The following NFATC3 variants were observed in gnomAD, a reference collection of about 807,000 sequenced individuals.
The protein encoded by NFATC3 is nuclear factor of activated T-cells, cytoplasmic 3.
In NFATC3, 46 loss-of-function variants were observed where a neutral mutation model predicts 98.6. That is an observed-to-expected ratio of 0.47 (90% CI 0.37 to 0.60). The LOEUF is 0.60. NFATC3 is among the 20% of genes least tolerant of loss of function. The pLI, the probability that NFATC3 is intolerant of heterozygous loss-of-function variation, is 0.00. For missense variants in NFATC3, 1,256 were observed against 1,295.5 expected, an observed-to-expected ratio of 0.97 and a Z score of 0.47; for synonymous variants, 512 against 472.2, an observed-to-expected ratio of 1.08 and a Z score of -1.09.
intron 1 of NFATC3, among the ~76,000 whole-genome samples, chr16:68,086,126 A>G (rs73606405): frequency 0.013 from 2,001 of 152,248 alleles, 42 homozygotes; most frequent in African/African-American, 0.045. Context: ...GTCCCTGTGA[A>G]TTGTTAGCGC....
intron 6 of NFATC3, among the ~76,000 whole-genome samples, chr16:68,175,645 C>T (rs568588304): frequency 2.6e-5 from 4 of 151,930 alleles, no homozygotes; most frequent in Non-Finnish European, 4.4e-5. Context: ...CTGCAACCTC[C>T]GCCTCCTAGG....
At chr16:68,222,116 C>T (rs1320847044) in intron 9 of NFATC3, among the ~76,000 whole-genome samples, 3 of 150,346 alleles carry the variant, frequency 2.0e-5, no homozygotes, top group Admixed American at 2.0e-4. Context: ...ATGGTGAGAC[C>T]TCATCTCTGC....
intron 9 of NFATC3, among the ~76,000 whole-genome samples, chr16:68,192,734 G>C (rs1376561480): frequency 1.3e-5 from 2 of 152,110 alleles, no homozygotes; most frequent in Non-Finnish European, 2.9e-5. Context: ...ATAGTGATGT[G>C]GCCCTGTAGT....
chr16:68,151,357 C>T (rs1409188342), intron 3 of NFATC3, among the ~76,000 whole-genome samples: 6 of 152,066 alleles, frequency 3.9e-5, no homozygotes, highest in Non-Finnish European at 8.8e-5. Flanking sequence ...CAAAGGCAGG[C>T]GTGTTGATCA....
intron 9 of NFATC3, among the ~76,000 whole-genome samples, chr16:68,213,315 T>C (rs1453993463): frequency 4.6e-5 from 7 of 151,168 alleles, no homozygotes; most frequent in Non-Finnish European, 8.8e-5. Context: ...CTCAGGAGGC[T>C]GAGGCAGGAG....
At chr16:68,188,074 T>G (rs1048863327) in intron 8 of NFATC3, among the ~76,000 whole-genome samples, 4 of 151,958 alleles carry the variant, frequency 2.6e-5, no homozygotes, top group Non-Finnish European at 5.9e-5. Flanking sequence ...GCGGCAGGGG[T>G]CTGGTGTGTC....
At chr16:68,183,164 A>C in intron 7 of NFATC3, 76 bp from the exon 8 acceptor site, 1 of 1,457,704 alleles carries the variant, frequency 6.9e-7, no homozygotes, top group Non-Finnish European at 9.2e-7. Context: ...GTTAAGACTC[A>C]TGAGTTGTGA....
intron 9 of NFATC3, among the ~76,000 whole-genome samples, chr16:68,213,869 A>G (rs987201992): frequency 1.3e-5 from 2 of 152,148 alleles, no homozygotes; most frequent in African/African-American, 2.4e-5. Context: ...TTGGCTGTAC[A>G]TATAGTTTTC....
At chr16:68,222,664 C>T (rs186918271) in intron 9 of NFATC3, among the ~76,000 whole-genome samples, 55 of 152,316 alleles carry the variant, frequency 3.6e-4, no homozygotes, top group Non-Finnish European at 6.8e-4. Flanking sequence ...TGAACTTTCA[C>T]TGTGCTTGTT....
intron 9 of NFATC3, among the ~76,000 whole-genome samples, chr16:68,222,540 A>G (rs1344405160): frequency 6.6e-6 from 1 of 152,120 alleles, no homozygotes; most frequent in African/African-American, 2.4e-5. Context: ...GTGCTTGCTT[A>G]TATATTTGGC....
chr16:68,214,831 G>A (rs1226139988), intron 9 of NFATC3, among the ~76,000 whole-genome samples: 3 of 152,142 alleles, frequency 2.0e-5, no homozygotes, highest in Non-Finnish European at 2.9e-5. Flanking sequence ...AATTTTGTCC[G>A]TTTTTCAGAG....
intron 9 of NFATC3, among the ~76,000 whole-genome samples, chr16:68,193,455 A>G (rs952746478): frequency 1.3e-5 from 2 of 152,146 alleles, no homozygotes; most frequent in Non-Finnish European, 1.5e-5. Flanking sequence ...ACTTGAGACT[A>G]GGAGTTTGAG....
chr16:68,197,935 C>G (rs1166074852), intron 9 of NFATC3, among the ~76,000 whole-genome samples: 1 of 152,056 alleles, frequency 6.6e-6, no homozygotes, highest in Non-Finnish European at 1.5e-5. Flanking sequence ...TTGACTGTTA[C>G]TTTTAGAAAT....
At chr16:68,197,419 G>A (rs1258838923) in intron 9 of NFATC3, among the ~76,000 whole-genome samples, 2 of 152,160 alleles carry the variant, frequency 1.3e-5, no homozygotes, top group Non-Finnish European at 2.9e-5. Flanking sequence ...GAGTAACTGG[G>A]ACCACAGGCA....
chr16:68,111,121 AT>A (rs1370591766), intron 1 of NFATC3, among the ~76,000 whole-genome samples: 1 of 152,096 alleles, frequency 6.6e-6, no homozygotes, highest in East Asian at 1.9e-4. Context: ...AAGAATGTAT[AT>A]TCTGTTTTTG....
At chr16:68,196,465 T>TATGATATTTA in intron 9 of NFATC3, among the ~76,000 whole-genome samples, 1 of 152,336 alleles carries the variant, frequency 6.6e-6, no homozygotes, top group South Asian at 2.1e-4. Context: ...TTTATTATGA[T>TATGATATTTA]ATTTGGATTT....
At chr16:68,170,772 C>T (rs529226160) in intron 5 of NFATC3, among the ~76,000 whole-genome samples, 36 of 152,046 alleles carry the variant, frequency 2.4e-4, no homozygotes, top group Middle Eastern at 3.4e-3. Context: ...GGATTACAGG[C>T]GTAAGCCACT....
chr16:68,085,550 A>T lies in NFATC3; in HGVS notation c.-132A>T. The T allele has an allele frequency of 1.4e-6, 1 of 729,618 alleles. No homozygotes were observed. Among genetic ancestry groups the T allele is most frequent in the Non-Finnish European group, 2.0e-6 (1 of 489,584 alleles). The allele number at this position is 729,618 out of a possible 1,614,324, so 45.2% of individuals were successfully genotyped here. ...CTCGGCGTCGCGGGCCCCGCCCGGA[A>T]AGTTTGCCGTGGAGTCGCGACCTCT... On this transcript the variant is annotated 5_prime_UTR_variant, in exon 1 of 10. Transcript: ENST00000346183.
At chr16:68,193,217 A>G (rs2040519986) in intron 9 of NFATC3, among the ~76,000 whole-genome samples, 1 of 152,188 alleles carries the variant, frequency 6.6e-6, no homozygotes, top group Non-Finnish European at 1.5e-5. Context: ...ATTATGTGCA[A>G]ATAGTACACT....
Sources: gnomAD v4.1 joint callset for allele counts (sites outside exome capture counted in the v4.1 genomes callset) on GRCh38, gnomAD v4.1.1 for gene constraint, MANE v1.5 for transcripts, NCBI Gene and HGNC (gene_info 2026-07-23, HGNC 2026-07-21) for gene names.